Variants in TRIM36 observed in about 807,000 individuals in gnomAD.
TRIM36 encodes E3 ubiquitin-protein ligase TRIM36.
A neutral mutation model predicts 72.4 loss-of-function variants in TRIM36; 42 were observed. The ratio of observed to expected loss-of-function variants is 0.58; its 90% CI spans 0.45 to 0.75. TRIM36 has a LOEUF of 0.75. Among genes scored for constraint, TRIM36 ranks in the 30% least tolerant of loss-of-function variants. The pLI is 0.00. For missense variants in TRIM36, 913 were observed against 857.1 expected (o/e 1.07, Z -0.81); for synonymous variants, 315 against 282.8 (o/e 1.11, Z -1.14).
At chr5:115,149,365 G>A (rs375397532) in intron 2 of TRIM36, 3 of 151,518 alleles carry the variant, frequency 2.0e-5, no homozygotes, top group African/African-American at 4.8e-5. Context: ...ATATATAATC[G>A]CAGGTTTCCA....
intron 1 of TRIM36, among the ~76,000 whole-genome samples, chr5:115,178,976 G>A (rs1755475160): frequency 6.6e-6 from 1 of 152,146 alleles, no homozygotes; most frequent in Non-Finnish European, 1.5e-5. Context: ...CAGGGTTTCA[G>A]GTGCTCACAT....
chr5:115,154,576 G>C (rs1052389572), intron 2 of TRIM36, among the ~76,000 whole-genome samples: 1 of 152,044 alleles, frequency 6.6e-6, no homozygotes, highest in African/African-American at 2.4e-5. Context: ...GCATAAACCA[G>C]AAAACCTAGA....
Position 115,169,903 on chromosome 5 carries a change from G to A in TRIM36, c.-269C>T, listed in dbSNP as rs1755012056. 6.2e-6 allele frequency: 8 copies of A among 1,292,658 alleles called. No homozygotes were observed. The highest frequency in any genetic ancestry group is 7.8e-6 in the Non-Finnish European group (8 of 1,019,200). The allele number at this position is 1,292,658 out of a possible 1,614,324, so 80.1% of individuals were successfully genotyped here. On this transcript the variant is annotated 5_prime_UTR_variant, in exon 1 of 10. Transcript: ENST00000513154. ...GCCGGCTGCAGCAGCGGCTCCTGCG[G>A]ACTGCGGCTGGGAACGGCGCCGCGC...
chr5:115,153,856 C>T (rs1295564873), intron 2 of TRIM36: 1 of 152,188 alleles, frequency 6.6e-6, no homozygotes, highest in African/African-American at 2.4e-5. Context: ...CACAACATTC[C>T]ATCCAACAAC....
At chr5:115,171,159 T>C, upstream of TRIM36, 1 of 1,614,234 alleles carries the variant, frequency 6.2e-7, no homozygotes, top group Non-Finnish European at 8.5e-7. Context: ...TCTGTCGCTG[T>C]GGCAAGTTCC....
chr5:115,151,125 G>T (rs1753870531), intron 2 of TRIM36, among the ~76,000 whole-genome samples: 1 of 152,214 alleles, frequency 6.6e-6, no homozygotes. Context: ...GAGGCGGGTA[G>T]ACTGGGGCAA....
At chr5:115,134,171 A>G (rs1289459914) in intron 7 of TRIM36, 24 bp from the exon 8 acceptor site, 2 of 1,520,226 alleles carry the variant, frequency 1.3e-6, no homozygotes, top group Non-Finnish European at 1.8e-6. Context: ...GAAATAGAAA[A>G]CAACATTAAA....
chr5:115,158,932 G>A (rs1051612128), intron 2 of TRIM36, among the ~76,000 whole-genome samples: 2 of 152,140 alleles, frequency 1.3e-5, no homozygotes, highest in African/African-American at 2.4e-5. Context: ...GACAGAAAGG[G>A]GATAAATTTC....
chr5:115,161,747 T>C (rs2126927809), intron 2 of TRIM36, among the ~76,000 whole-genome samples: 1 of 152,296 alleles, frequency 6.6e-6, no homozygotes, highest in Non-Finnish European at 1.5e-5. Flanking sequence ...GTAAAATCAG[T>C]TGGCTGCTGT....
intron 4 of TRIM36, among the ~76,000 whole-genome samples, chr5:115,143,213 C>A (rs1243816869): frequency 6.8e-5 from 8 of 117,788 alleles, no homozygotes; most frequent in Non-Finnish European, 1.2e-4. Flanking sequence ...CTGTTCCCCA[C>A]CAGCCAGACA....
intron 8 of TRIM36, among the ~76,000 whole-genome samples, chr5:115,132,521 G>A (rs1367593275): frequency 1.3e-5 from 2 of 148,586 alleles, no homozygotes; most frequent in Non-Finnish European, 3.0e-5. Flanking sequence ...TCCAGCCTGG[G>A]TGACAGAGCC....
chr5:115,126,898 T>G (rs770413907), intron 9 of TRIM36, 41 bp from the exon 10 acceptor site: 1 of 1,528,804 alleles, frequency 6.5e-7, no homozygotes, highest in Non-Finnish European at 8.8e-7. Context: ...CAACAATAGA[T>G]CTAAGTATCT....
intron 2 of TRIM36, among the ~76,000 whole-genome samples, chr5:115,158,622 T>G (rs1393108367): frequency 6.6e-6 from 1 of 152,268 alleles, no homozygotes; most frequent in Non-Finnish European, 1.5e-5. Flanking sequence ...TATCTTATGC[T>G]GCCACCTTAA....
chr5:115,127,585 T>G (rs1245400643), intron 9 of TRIM36, among the ~76,000 whole-genome samples: 1 of 152,158 alleles, frequency 6.6e-6, no homozygotes, highest in Non-Finnish European at 1.5e-5. Context: ...ATTCATTCAT[T>G]CATTCCTATA....
At chr5:115,136,400 T>C (rs1189732161) in intron 7 of TRIM36, among the ~76,000 whole-genome samples, 1 of 152,188 alleles carries the variant, frequency 6.6e-6, no homozygotes, top group Non-Finnish European at 1.5e-5. Flanking sequence ...TGCCAACACC[T>C]TGATCTCTGA....
At chr5:115,154,971 G>T (rs1385102061) in intron 2 of TRIM36, among the ~76,000 whole-genome samples, 1 of 151,976 alleles carries the variant, frequency 6.6e-6, no homozygotes, top group Non-Finnish European at 1.5e-5. Flanking sequence ...CCTGAGGTCA[G>T]GAGTTGGACA....
intron 2 of TRIM36, among the ~76,000 whole-genome samples, chr5:115,163,021 G>A (rs926091844): frequency 8.6e-5 from 13 of 150,822 alleles, no homozygotes; most frequent in East Asian, 1.9e-4. Context: ...GCAATGGCGC[G>A]ATCTCGGCTC....
intron 8 of TRIM36, among the ~76,000 whole-genome samples, chr5:115,131,376 A>T (rs1203332685): frequency 6.6e-6 from 1 of 152,186 alleles, no homozygotes; most frequent in African/African-American, 2.4e-5. Flanking sequence ...ACACTGTAAA[A>T]AAACAAAAAC....
At chr5:115,165,674 G>T (rs1754727111) in intron 1 of TRIM36, among the ~76,000 whole-genome samples, 1 of 152,208 alleles carries the variant, frequency 6.6e-6, no homozygotes, top group African/African-American at 2.4e-5. Context: ...GAGCCAGCGG[G>T]ACCCAGGAAC....
Sources: allele counts gnomAD v4.1 joint callset (sites outside exome capture counted in the v4.1 genomes callset), GRCh38; gene constraint gnomAD v4.1.1; transcripts MANE v1.5; gene names NCBI Gene and HGNC (gene_info 2026-07-23, HGNC 2026-07-21).